The following DEAF1 variants were observed in gnomAD, a reference collection of about 807,000 sequenced individuals.
The protein encoded by DEAF1 is deformed epidermal autoregulatory factor 1 homolog.
DEAF1 carries 53 observed loss-of-function variants against 58.9 expected under a neutral mutation model. The ratio of observed to expected loss-of-function variants is 0.90; its 90% CI spans 0.72 to 1.13. The LOEUF is 1.13. DEAF1 is among the 50% of genes most tolerant of loss of function. The pLI, the probability that DEAF1 is intolerant of heterozygous loss-of-function variation, is 0.00. For synonymous variants in DEAF1, 385 were observed against 340.4 expected (o/e 1.13, Z -1.44); for missense variants, 685 against 791.4 (o/e 0.87, Z 1.61).
chr11:695,858 C>G (rs1434751084), upstream of DEAF1: 3 of 1,228,182 alleles, frequency 2.4e-6, no homozygotes, highest in Non-Finnish European at 3.0e-6. Context: ...TGAGCTCGGG[C>G]GGGGTGGGGG....
intron 10 of DEAF1, among the ~76,000 whole-genome samples, chr11:658,039 G>A (rs2133306800): frequency 6.6e-6 from 1 of 152,316 alleles, no homozygotes; most frequent in East Asian, 1.9e-4. Context: ...AAGTTACAGA[G>A]GGGAGGCTGC....
At chr11:652,606 C>G (rs920607116) in intron 11 of DEAF1, among the ~76,000 whole-genome samples, 2 of 151,782 alleles carry the variant, frequency 1.3e-5, no homozygotes, top group Non-Finnish European at 2.9e-5. Flanking sequence ...CCACTGCACT[C>G]CAGCCTGGGC....
At chr11:701,725 T>C (rs1861506372) in intron 1 of DEAF1, among the ~76,000 whole-genome samples, 1 of 152,186 alleles carries the variant, frequency 6.6e-6, no homozygotes, top group Admixed American at 6.5e-5. Flanking sequence ...AGGGTTTCGC[T>C]ATGTTACCCT....
chr11:687,671 G>A lies in DEAF1; in HGVS notation c.664+240C>T, dbSNP rs573487682. 2.6e-5 allele frequency among the ~76,000 whole-genome samples: 4 copies of A among 152,218 alleles called. No individual in the cohort carries two copies. The East Asian group carries it at 5.8e-4, about 22-fold the overall frequency. On this transcript the variant is annotated intron_variant, in intron 4 of 11. Coordinates refer to ENST00000382409, the MANE Select transcript of DEAF1 (RefSeq NM_021008.4). ...TGCCACCACGCTCCACTAATTTTTTGTATTTTTAGTAGAGACGGGTTTTCA... is the reference window on the plus strand; with the variant it reads ...TGCCACCACGCTCCACTAATTTTTTATATTTTTAGTAGAGACGGGTTTTCA...
upstream of DEAF1, among the ~76,000 whole-genome samples, chr11:698,305 G>A (rs116759928): frequency 0.014 from 2,175 of 152,166 alleles, 51 homozygotes; most frequent in African/African-American, 0.048. Context: ...CATCTCTCAG[G>A]TGGGGGTGGG....
intron 10 of DEAF1, chr11:674,082 GA>G: frequency 3.8e-6 from 1 of 266,346 alleles, no homozygotes; most frequent in Non-Finnish European, 7.4e-6. Flanking sequence ...GAACGTGCCA[GA>G]AGCTGGGAGG....
chr11:699,867 C>T, upstream of DEAF1: 1 of 434,454 alleles, frequency 2.3e-6, no homozygotes, highest in East Asian at 4.1e-5. Context: ...CTGACCAGTC[C>T]TGTCCACAGT....
chr11:663,176 G>C (rs552737018), intron 10 of DEAF1, among the ~76,000 whole-genome samples: 117 of 152,198 alleles, frequency 7.7e-4, no homozygotes, highest in Non-Finnish European at 1.4e-3. Flanking sequence ...GTTGAGCATG[G>C]TGGCTTACGT....
At chr11:700,778 GTAAT>G in intron 1 of DEAF1, 2 of 1,392,622 alleles carry the variant, frequency 1.4e-6, no homozygotes, top group Non-Finnish European at 2.0e-6. Flanking sequence ...CCTTTCAAGA[GTAAT>G]TATTTTATAG....
At chr11:692,505 T>A (rs1003660556) in intron 1 of DEAF1, among the ~76,000 whole-genome samples, 1 of 152,266 alleles carries the variant, frequency 6.6e-6, no homozygotes, top group Admixed American at 6.5e-5. Flanking sequence ...AAGATACTGG[T>A]TGAATGAGTC....
At chr11:668,857 G>A (rs1473683520) in intron 10 of DEAF1, among the ~76,000 whole-genome samples, 9 of 151,722 alleles carry the variant, frequency 5.9e-5, no homozygotes, top group African/African-American at 1.7e-4. Context: ...ACAGAGTCTC[G>A]CTCTGTAGCC....
At chr11:695,271 G>A, upstream of DEAF1, 2 of 465,548 alleles carry the variant, frequency 4.3e-6, no homozygotes, top group East Asian at 3.7e-5. Context: ...AGTAGGAGCC[G>A]AACCTGCACG....
At chr11:651,796 G>C (rs985024161) in intron 11 of DEAF1, among the ~76,000 whole-genome samples, 26 of 152,226 alleles carry the variant, frequency 1.7e-4, no homozygotes, top group African/African-American at 5.5e-4. Context: ...TGAGGCAGGA[G>C]AATGGCGTGA....
intron 11 of DEAF1, among the ~76,000 whole-genome samples, chr11:645,181 T>G (rs1424385276): frequency 7.5e-6 from 1 of 134,162 alleles, no homozygotes; most frequent in African/African-American, 2.7e-5. Context: ...AAAAAAAAAG[T>G]CAAACAACAA....
rs954670686 is a variant in DEAF1, at chr11:688,797, A to G, written c.388-337T>C. ...GTCACCGTCTTCATGCAGAGTTTCCAACAGACCGAGTTGGCCGCCACAGAC... is the reference window on the plus strand; with the variant it reads ...GTCACCGTCTTCATGCAGAGTTTCCGACAGACCGAGTTGGCCGCCACAGAC... On this transcript the variant is annotated intron_variant, in intron 2 of 11. Coordinates refer to ENST00000382409, the MANE Select transcript of DEAF1 (RefSeq NM_021008.4). The surrounding 1 kb of genome is among the most constrained non-coding windows in gnomAD (Gnocchi z 4.3). 6.6e-6 allele frequency among the ~76,000 whole-genome samples: 1 copy of G among 152,124 alleles called. No homozygotes were observed. Among genetic ancestry groups the G allele is most frequent in the African/African-American group, 2.4e-5 (1 of 41,426 alleles).
chr11:680,344 C>T (rs1860297606), intron 7 of DEAF1, among the ~76,000 whole-genome samples: 1 of 152,218 alleles, frequency 6.6e-6, no homozygotes, highest in Non-Finnish European at 1.5e-5. Flanking sequence ...TTTAGAAAGA[C>T]CTTACTCTAT....
At position 694,855 on chromosome 11, in the gene DEAF1, C is replaced by A. The variant is rs1441301621; in HGVS notation, c.193G>T (p.Ala65Ser). 1.3e-6 allele frequency: 2 copies of A among 1,496,564 alleles called. No homozygotes were observed. Among genetic ancestry groups the A allele is most frequent in the Non-Finnish European group, 8.9e-7 (1 of 1,128,372 alleles). 92.7% of individuals were successfully genotyped at this position (1,496,564 alleles called of 1,614,324 possible). ...GGCTCCGCCGCCATCACCGCCACTG[C>A]CGTGACCCGCGGCGTCTCCCGCTCC... Reference protein sequence around the residue: ...EAERETPRVTAVAVMAAEPGH... With the variant: ...EAERETPRVTSVAVMAAEPGH... Residue 65 changes from alanine (A) to serine (S), a missense_variant, in exon 1 of 12, where the codon GCA (alanine) becomes TCA (serine). Ala to Ser is a moderately conservative substitution (Grantham distance 99). Coordinates refer to ENST00000382409, the MANE Select transcript of DEAF1 (RefSeq NM_021008.4).
Sources: allele counts gnomAD v4.1 joint callset (sites outside exome capture counted in the v4.1 genomes callset), GRCh38; gene constraint gnomAD v4.1.1; non-coding constraint Gnocchi (gnomAD v3.1); transcripts MANE v1.5; gene names NCBI Gene and HGNC (gene_info 2026-07-23, HGNC 2026-07-21).